Variants in GSTM2 observed in about 807,000 individuals in gnomAD.
GSTM2 encodes GST class-mu 2.
A neutral mutation model predicts 33.3 loss-of-function variants in GSTM2; 33 were observed. The ratio of observed to expected loss-of-function variants is 0.99; its 90% CI spans 0.75 to 1.33. The LOEUF (loss-of-function observed/expected upper bound fraction) is 1.33. Among genes scored for constraint, GSTM2 ranks in the 40% most tolerant of loss-of-function variants. The probability of loss-of-function intolerance (pLI) is 0.00; values close to 1 mark genes in which losing one functional copy is unlikely to be tolerated. For missense variants in GSTM2, 213 were observed against 265.8 expected (o/e 0.80, Z 1.38); for synonymous variants, 93 against 95.6 (o/e 0.97, Z 0.16).
downstream of GSTM2, among the ~76,000 whole-genome samples, chr1:109,675,946 C>T (rs1166747237): frequency 2.0e-5 from 3 of 152,260 alleles, no homozygotes; most frequent in Admixed American, 6.5e-5. Flanking sequence ...AAAGGACTCA[C>T]AGTTCCACAG....
At chr1:109,674,260 C>T (rs1345649454) in intron 7 of GSTM2, among the ~76,000 whole-genome samples, 1 of 151,938 alleles carries the variant, frequency 6.6e-6, no homozygotes, top group Admixed American at 6.6e-5. Context: ...CAAGGAGTGA[C>T]AGGGCCTGGT....
At chr1:109,673,500 C>T (rs1330488050) in intron 7 of GSTM2, 4 of 479,146 alleles carry the variant, frequency 8.3e-6, no homozygotes, top group African/African-American at 7.9e-5. Flanking sequence ...TCTGCTTGCT[C>T]AGCTAGTTCC....
At chr1:109,668,351 C>G in intron 1 of GSTM2, 74 bp from the exon 2 acceptor site, 1 of 1,526,144 alleles carries the variant, frequency 6.6e-7, no homozygotes, top group East Asian at 2.3e-5. Context: ...GGAGATGGGG[C>G]TCCCCTTGTG....
At chr1:109,673,155 C>A (rs1484945689) in intron 7 of GSTM2, 1 of 1,602,910 alleles carries the variant, frequency 6.2e-7, no homozygotes, top group Middle Eastern at 1.7e-4. Context: ...CAAGCGTGAG[C>A]CACCGCGCCT....
rs756212101 is a variant in GSTM2 at position 109,674,738 on chromosome 1, C to A, written c.568-9C>A. 1.4e-5 allele frequency: 22 copies of A among 1,614,190 alleles called. No individual in the cohort carries two copies. The East Asian group carries it at 4.5e-4, about 33-fold the overall frequency. ...CCTTGAGTTCTGGCCTTATTTTCCC[C>A]CCTCTCAGGGCTTGGAGAAGATCTC... is the stretch of plus-strand genomic sequence containing the variant. On this transcript the variant is annotated splice_polypyrimidine_tract_variant and intron_variant, in intron 7 of 7. Transcript: ENST00000241337.
chr1:109,673,059 G>T (rs1647601934), intron 7 of GSTM2: 1 of 852,966 alleles, frequency 1.2e-6, no homozygotes, highest in Admixed American at 2.1e-5. Flanking sequence ...TAGTAGAGAT[G>T]GGGTTTTGCT....
Position 109,668,110 on chromosome 1 carries a change from A to G in GSTM2, c.-6A>G. Reference sequence around the variant, plus strand: ...CCTGTCTGCAGAATCCACAGCAACCAGCACCATGCCCATGACACTGGGGTA... The same window carrying G: ...CCTGTCTGCAGAATCCACAGCAACCGGCACCATGCCCATGACACTGGGGTA... On this transcript the variant is annotated 5_prime_UTR_variant, in exon 1 of 8. Transcript: ENST00000241337. 6.2e-7 allele frequency: 1 copy of G among 1,613,482 alleles called. No homozygotes were observed. Among genetic ancestry groups the G allele is most frequent in the Non-Finnish European group, 8.5e-7 (1 of 1,179,716 alleles).
At chr1:109,677,492 G>A (rs1022598594), downstream of GSTM2, among the ~76,000 whole-genome samples, 7 of 152,118 alleles carry the variant, frequency 4.6e-5, no homozygotes, top group African/African-American at 1.2e-4. Flanking sequence ...ACATGCTAAC[G>A]CTATGTGCAA....
At position 109,669,323 on chromosome 1, in the gene GSTM2, A is replaced by C. The variant is rs765386523; in HGVS notation, c.211A>C (p.Thr71Pro). ...PYLIDGTHKI[T>P]QSNAILRYIA... ...CTTGATTGATGGGACTCACAAGATC[A>C]CCCAGAGCAACGCCATCCTGCGGTA... Residue 71 changes from threonine to proline, a missense_variant, in exon 4 of 8, where the codon ACC (threonine) becomes CCC (proline). By Grantham distance (38) the Thr-to-Pro change is conservative (BLOSUM62 -1). Coordinates refer to ENST00000241337, the MANE Select transcript of GSTM2 (RefSeq NM_000848.4). The C allele has an allele frequency of 6.2e-7, 1 of 1,614,144 alleles. No homozygotes were observed. Among genetic ancestry groups the C allele is most frequent in the Non-Finnish European group, 8.5e-7 (1 of 1,180,006 alleles).
chr1:109,673,251 T>C, intron 7 of GSTM2: 2 of 1,611,946 alleles, frequency 1.2e-6, no homozygotes, highest in Non-Finnish European at 1.7e-6. Flanking sequence ...TCCTGTTCAC[T>C]GACCTTCTCC....
At position 109,671,133 on chromosome 1, in the gene GSTM2, T is replaced by C. The variant is rs1647528325; in HGVS notation, c.361-154T>C. ...CCAGTTGGAGTCTAATAAATGCTGATGTATCCAGCTGAAGCCTGGACAGTG... is the reference window on the plus strand; with the variant it reads ...CCAGTTGGAGTCTAATAAATGCTGACGTATCCAGCTGAAGCCTGGACAGTG... On this transcript the variant is annotated intron_variant, in intron 5 of 7. Coordinates refer to ENST00000241337, the MANE Select transcript of GSTM2 (RefSeq NM_000848.4). 1.2e-5 allele frequency: 8 copies of C among 646,236 alleles called. No homozygotes were observed. The South Asian group carries it at 1.3e-4, about 10-fold the overall frequency. 40.0% of individuals were successfully genotyped at this position (646,236 alleles called of 1,614,324 possible).
chr1:109,669,301 G>A lies in GSTM2; in HGVS notation c.189G>A (p.Leu63=). 6.2e-7 allele frequency: 1 copy of A among 1,614,152 alleles called. No individual in the cohort carries two copies. Among genetic ancestry groups the A allele is most frequent in the Non-Finnish European group, 8.5e-7 (1 of 1,180,018 alleles). Reference sequence around the variant, plus strand: ...TCCCATCTATCCAGCTGCCCTACTTGATTGATGGGACTCACAAGATCACCC... The same window carrying A: ...TCCCATCTATCCAGCTGCCCTACTTAATTGATGGGACTCACAAGATCACCC... ...LGLDFPNLPY[L]IDGTHKITQS... is the part of the protein sequence containing the mutation. The change falls in exon 4 of 8, where the codon TTG becomes TTA. Residue 63 remains leucine, a synonymous_variant. Transcript: ENST00000241337.
At chr1:109,674,054 G>A (rs183842012) in intron 7 of GSTM2, among the ~76,000 whole-genome samples, 267 of 152,298 alleles carry the variant, frequency 1.8e-3, no homozygotes, top group African/African-American at 6.2e-3. Context: ...TCTGCTTTAA[G>A]GGGAATGATT....
Position 109,671,624 on chromosome 1 carries a change from C to T in GSTM2, c.567+41C>T, listed in dbSNP as rs781291859. 88 of 1,061,938 alleles carry T rather than the reference C, an allele frequency of 8.3e-5. 1 individual carries two copies. Among genetic ancestry groups the T allele is most frequent in the Admixed American group, 2.4e-4 (14 of 59,312 alleles). The allele number at this position is 1,061,938 out of a possible 1,614,324, so 65.8% of individuals were successfully genotyped here. On this transcript the variant is annotated intron_variant, in intron 7 of 7. Transcript: ENST00000241337. ...TCCTTTCTCTTTATGTCTCTTATTC[C>T]TTTCCCTCCTTTGTGATGCTTTCCC...
chr1:109,668,236 G>A (rs1353463956), intron 1 of GSTM2, 85 bp downstream of exon 1: 2 of 1,444,742 alleles, frequency 1.4e-6, no homozygotes, highest in East Asian at 2.3e-5. Flanking sequence ...CTCTAGGGAC[G>A]GTTCCTCTTC....
intron 7 of GSTM2, 63 bp downstream of exon 7, chr1:109,671,646 T>TC (rs1300734025): frequency 1.0e-6 from 1 of 969,860 alleles, no homozygotes; most frequent in Non-Finnish European, 1.7e-6. Context: ...TGTGATGCTT[T>TC]CCCAGTCCTG....
At position 109,668,378 on chromosome 1, in the gene GSTM2, TCAGGGACCCTC is replaced by T; in HGVS notation, c.37-44_37-34del. On this transcript the variant is annotated intron_variant, in intron 1 of 7. Transcript: ENST00000241337. Reference sequence around the variant, plus strand: ...CCCCTTGTGCAGAGTCGTCACAAAGTCAGGGACCCTCCATCTCTGACCCGAGCTGTGGGCCA... The same window carrying T: ...CCCCTTGTGCAGAGTCGTCACAAAGTCATCTCTGACCCGAGCTGTGGGCCA... 5 of 1,598,366 alleles carry T rather than the reference TCAGGGACCCTC, an allele frequency of 3.1e-6. No homozygotes were observed. In the South Asian group the frequency reaches 5.5e-5, roughly 18 times the overall value.
chr1:109,670,651 T>A (rs1014386216), intron 5 of GSTM2: 1 of 152,736 alleles, frequency 6.5e-6, no homozygotes, highest in African/African-American at 2.4e-5. Context: ...CAGTGGTTTA[T>A]ATCATCTGCC....
At chr1:109,670,698 G>A (rs1336052672) in intron 5 of GSTM2, 1 of 152,846 alleles carries the variant, frequency 6.5e-6, no homozygotes, top group Non-Finnish European at 1.5e-5. Flanking sequence ...GAAAACAAGT[G>A]CAAAACAAAG....
Sources: allele counts gnomAD v4.1 joint callset (sites outside exome capture counted in the v4.1 genomes callset), GRCh38; gene constraint gnomAD v4.1.1; transcripts MANE v1.5; gene names NCBI Gene and HGNC (gene_info 2026-07-23, HGNC 2026-07-21).